CHCHD3: variants seen among roughly 807,000 people sequenced by gnomAD.
CHCHD3 encodes MICOS complex subunit MIC19.
In CHCHD3, 20 loss-of-function variants were observed where a neutral mutation model predicts 38.2. That is an observed-to-expected ratio of 0.52 (90% CI 0.37 to 0.76). CHCHD3 has a LOEUF of 0.76. Ranked by LOEUF, CHCHD3 falls within the 30% of genes least tolerant of loss-of-function variation. The pLI, the probability that CHCHD3 is intolerant of heterozygous loss-of-function variation, is 0.00. For synonymous variants in CHCHD3, 82 were observed against 100.0 expected (o/e 0.82, Z 1.07); for missense variants, 245 against 279.2 (o/e 0.88, Z 0.87).
At chr7:132,858,873 C>T (rs1808412280) in intron 5 of CHCHD3, among the ~76,000 whole-genome samples, 1 of 152,166 alleles carries the variant, frequency 6.6e-6, no homozygotes, top group Admixed American at 6.5e-5. Context: ...TTGTCTCATG[C>T]AAACCTGACA....
At chr7:132,959,737 A>C (rs10268982) in intron 4 of CHCHD3, among the ~76,000 whole-genome samples, 1 of 151,486 alleles carries the variant, frequency 6.6e-6, no homozygotes, top group Non-Finnish European at 1.5e-5. Flanking sequence ...AAAAAAAAAA[A>C]AAAGAAAAAG....
At chr7:132,911,460 C>T (rs1041366133) in intron 4 of CHCHD3, among the ~76,000 whole-genome samples, 7 of 152,212 alleles carry the variant, frequency 4.6e-5, no homozygotes, top group African/African-American at 1.7e-4. Context: ...TGGGTCAAGG[C>T]AGACACAAGA....
At chr7:132,992,723 T>A (rs1417185576) in intron 3 of CHCHD3, among the ~76,000 whole-genome samples, 1 of 152,202 alleles carries the variant, frequency 6.6e-6, no homozygotes, top group Non-Finnish European at 1.5e-5. Flanking sequence ...TAGTAGAAAA[T>A]TAACTACAAT....
At chr7:132,939,974 G>A (rs1337835248) in intron 4 of CHCHD3, among the ~76,000 whole-genome samples, 3 of 152,098 alleles carry the variant, frequency 2.0e-5, no homozygotes, top group Non-Finnish European at 2.9e-5. Context: ...TGTATCACAA[G>A]GAAAATTACC....
At position 132,870,251 on chromosome 7, in the gene CHCHD3, G is replaced by A. The variant is rs113882732; in HGVS notation, c.453+15411C>T. On this transcript the variant is annotated intron_variant, in intron 5 of 7. Coordinates refer to ENST00000262570, the MANE Select transcript of CHCHD3 (RefSeq NM_017812.4). ...TGTAGTCTCAGGTATTCAGGAGGCT[G>A]AAGTGGGAGGATTGCTTGAGCCTGG... 4.0e-5 allele frequency among the ~76,000 whole-genome samples: 6 copies of A among 151,074 alleles called. 1 individual carries two copies. Among genetic ancestry groups the A allele is most frequent in the African/African-American group, 1.5e-4 (6 of 41,106 alleles).
intron 1 of CHCHD3, among the ~76,000 whole-genome samples, chr7:133,081,266 T>G (rs562872561): frequency 6.6e-6 from 1 of 151,298 alleles, no homozygotes; most frequent in African/African-American, 2.4e-5. Flanking sequence ...AGGAGGCGCC[T>G]GGGAAAGAGG....
At chr7:132,987,294 G>GC (rs1398908520) in intron 3 of CHCHD3, among the ~76,000 whole-genome samples, 1 of 152,166 alleles carries the variant, frequency 6.6e-6, no homozygotes, top group Admixed American at 6.5e-5. Flanking sequence ...TCATGAAGAT[G>GC]CCACTGTTGT....
intron 2 of CHCHD3, among the ~76,000 whole-genome samples, chr7:133,037,114 C>T (rs1464935669): frequency 1.3e-5 from 2 of 152,058 alleles, no homozygotes; most frequent in East Asian, 1.9e-4. Flanking sequence ...TTGAATGCTG[C>T]TAAAGTAATA....
intron 4 of CHCHD3, among the ~76,000 whole-genome samples, chr7:132,952,274 G>A (rs911087161): frequency 1.3e-5 from 2 of 152,174 alleles, no homozygotes; most frequent in Non-Finnish European, 2.9e-5. Flanking sequence ...ACATGCCTAG[G>A]TCCCACCCTG....
chr7:132,817,388 A>T (rs1807226852), intron 6 of CHCHD3, among the ~76,000 whole-genome samples: 1 of 152,120 alleles, frequency 6.6e-6, no homozygotes, highest in Admixed American at 6.5e-5. Flanking sequence ...AGCATAAAAG[A>T]TACTCTATTA....
intron 3 of CHCHD3, among the ~76,000 whole-genome samples, chr7:132,979,939 C>A (rs2117342049): frequency 6.6e-6 from 1 of 152,312 alleles, no homozygotes; most frequent in African/African-American, 2.4e-5. Context: ...AAATTCTTTA[C>A]TGAGCCAAAA....
At chr7:132,850,665 G>A (rs1052405122) in intron 5 of CHCHD3, among the ~76,000 whole-genome samples, 3 of 151,956 alleles carry the variant, frequency 2.0e-5, no homozygotes, top group Non-Finnish European at 2.9e-5. Context: ...TAATACTAAA[G>A]GTCTGTGCCA....
chr7:132,903,435 T>G (rs1294852621), intron 4 of CHCHD3, among the ~76,000 whole-genome samples: 1 of 152,140 alleles, frequency 6.6e-6, no homozygotes, highest in Admixed American at 6.5e-5. Flanking sequence ...TACACAACCT[T>G]TTTATTTTTT....
At chr7:133,024,807 A>T (rs959571801) in intron 2 of CHCHD3, among the ~76,000 whole-genome samples, 180 bp from the exon 3 acceptor site, 5 of 152,222 alleles carry the variant, frequency 3.3e-5, no homozygotes, top group Admixed American at 3.3e-4. Flanking sequence ...GCACTTCAGG[A>T]GTAATTTAAT....
intron 5 of CHCHD3, among the ~76,000 whole-genome samples, chr7:132,861,863 G>A (rs934765861): frequency 7.2e-5 from 11 of 152,128 alleles, no homozygotes; most frequent in Non-Finnish European, 1.6e-4. Flanking sequence ...GTTTGCTGAT[G>A]CCTGGTCTAT....
intron 5 of CHCHD3, among the ~76,000 whole-genome samples, chr7:132,850,818 C>T (rs1808203563): frequency 6.6e-6 from 1 of 152,084 alleles, no homozygotes; most frequent in Non-Finnish European, 1.5e-5. Context: ...ATTACAGTGC[C>T]ACTGGATCAC....
chr7:132,977,055 T>C (rs764712259), intron 3 of CHCHD3, among the ~76,000 whole-genome samples: 8 of 152,176 alleles, frequency 5.3e-5, no homozygotes, highest in Non-Finnish European at 1.0e-4. Context: ...AAACCAAATT[T>C]CTCTAAATTA....
intron 3 of CHCHD3, among the ~76,000 whole-genome samples, chr7:133,024,104 C>T (rs555019396): frequency 3.7e-4 from 56 of 152,268 alleles, no homozygotes; most frequent in African/African-American, 1.2e-3. Flanking sequence ...AATTTTTTTA[C>T]GTGAACAGAA....
At chr7:132,809,221 A>G (rs572734841) in intron 6 of CHCHD3, among the ~76,000 whole-genome samples, 1 of 151,210 alleles carries the variant, frequency 6.6e-6, no homozygotes, top group Non-Finnish European at 1.5e-5. Flanking sequence ...TTGGCCTCCC[A>G]AAGTACTAGG....
Sources: allele counts gnomAD v4.1 joint callset (sites outside exome capture counted in the v4.1 genomes callset), GRCh38; gene constraint gnomAD v4.1.1; transcripts MANE v1.5; gene names NCBI Gene and HGNC (gene_info 2026-07-23, HGNC 2026-07-21).